The following MALRD1 variants were observed in gnomAD, a reference collection of about 807,000 sequenced individuals.
MALRD1 encodes the protein MAM and LDL-receptor class A domain-containing protein 1.
MALRD1 carries 247 observed loss-of-function variants against 242.1 expected under a neutral mutation model. That is an observed-to-expected ratio of 1.02 (90% CI 0.92 to 1.13). The LOEUF is 1.13. Among genes scored for constraint, MALRD1 ranks in the 50% most tolerant of loss-of-function variants. MALRD1 has a pLI of 0.00. For missense variants in MALRD1, 2,989 were observed against 2,533.1 expected, an observed-to-expected ratio of 1.18 and a Z score of -3.86; for synonymous variants, 995 against 866.6, an observed-to-expected ratio of 1.15 and a Z score of -2.60.
At chr10:19,131,489 A>G (rs150271536) in intron 8 of MALRD1, among the ~76,000 whole-genome samples, 69 of 152,302 alleles carry the variant, frequency 4.5e-4, no homozygotes, top group African/African-American at 1.6e-3. Context: ...TCTATAAAAT[A>G]ATACTCATAG....
At chr10:19,222,860 A>G (rs1326257256) in intron 18 of MALRD1, among the ~76,000 whole-genome samples, 1 of 152,230 alleles carries the variant, frequency 6.6e-6, no homozygotes, top group Non-Finnish European at 1.5e-5. Flanking sequence ...AATGTGTCAC[A>G]TGGCGTTCAC....
Position 19,136,712 on chromosome 10 carries a change from G to T in MALRD1, c.1342G>T (p.Ala448Ser), listed in dbSNP as rs1282298965. Reference protein sequence around the residue: ...EFPCTSGQCIAKESVCDSRQD... With the variant: ...EFPCTSGQCISKESVCDSRQD... ...CCCTTGCACTAGTGGCCAGTGCATC[G>T]CCAAAGAATCTGTCTGTGACTCTCG... Residue 448 changes from alanine to serine, a missense_variant, in exon 10 of 40, where the codon GCC becomes TCC. Physicochemically the swap from Ala to Ser is moderately conservative, Grantham distance 99 (BLOSUM62 1). Transcript: ENST00000454679. 2.4e-6 allele frequency: 3 copies of T among 1,231,630 alleles called. No individual in the cohort carries two copies. Among genetic ancestry groups the T allele is most frequent in the East Asian group, 3.2e-5 (1 of 31,666 alleles). 76.3% of individuals were successfully genotyped at this position (1,231,630 alleles called of 1,614,324 possible).
chr10:19,376,477 T>A (rs1211625721), intron 26 of MALRD1, among the ~76,000 whole-genome samples: 1 of 151,660 alleles, frequency 6.6e-6, no homozygotes, highest in African/African-American at 2.4e-5. Flanking sequence ...TGTATTTTGA[T>A]ACTGTGTACC....
At chr10:19,145,500 T>A (rs1833697697) in intron 10 of MALRD1, among the ~76,000 whole-genome samples, 1 of 151,674 alleles carries the variant, frequency 6.6e-6, no homozygotes, top group African/African-American at 2.4e-5. Context: ...AAAAAAAATA[T>A]CCGAGCATCG....
chr10:19,195,759 CAAACAAACAAGCAA>C (rs1293145973), intron 14 of MALRD1, among the ~76,000 whole-genome samples: 2 of 151,988 alleles, frequency 1.3e-5, no homozygotes, highest in African/African-American at 4.8e-5. Flanking sequence ...AAAACAAAAA[CAAACAAACAAGCAA>C]AAACCCAGTG....
Position 19,065,012 on chromosome 10 carries a change from G to A in MALRD1, c.200-1707G>A, listed in dbSNP as rs376767969. 1.8e-4 allele frequency among the ~76,000 whole-genome samples: 27 copies of A among 152,084 alleles called. No homozygotes were observed. In the South Asian group the frequency reaches 2.7e-3, roughly 15 times the overall value. Reference sequence around the variant, plus strand: ...TTAGAAATCCCTAGAAAAGGGCCGGGTGCGGTTGCTCATGCCTGTAATCCC... The same window carrying A: ...TTAGAAATCCCTAGAAAAGGGCCGGATGCGGTTGCTCATGCCTGTAATCCC... On this transcript the variant is annotated intron_variant, in intron 1 of 39. Coordinates refer to ENST00000454679, the MANE Select transcript of MALRD1 (RefSeq NM_001142308.3).
At chr10:19,047,214 C>A (rs1452535103), upstream of MALRD1, among the ~76,000 whole-genome samples, 1 of 152,254 alleles carries the variant, frequency 6.6e-6, no homozygotes, top group Non-Finnish European at 1.5e-5. Flanking sequence ...AGTCCAGGAA[C>A]AATCTACAGG....
At chr10:19,587,023 GA>G (rs1837457329) in intron 33 of MALRD1, among the ~76,000 whole-genome samples, 1 of 152,210 alleles carries the variant, frequency 6.6e-6, no homozygotes, top group African/African-American at 2.4e-5. Context: ...CTTTGACTAG[GA>G]AAGGGAACTC....
chr10:19,213,732 A>G (rs771550145), intron 18 of MALRD1, among the ~76,000 whole-genome samples: 1 of 152,116 alleles, frequency 6.6e-6, no homozygotes, highest in Non-Finnish European at 1.5e-5. Context: ...TTGTGTCTGG[A>G]TGTCAGATAT....
intron 32 of MALRD1, among the ~76,000 whole-genome samples, chr10:19,532,915 T>C (rs777871302): frequency 6.6e-6 from 1 of 152,246 alleles, no homozygotes; most frequent in Non-Finnish European, 1.5e-5. Flanking sequence ...TTGCTTATGC[T>C]AAATTTTATC....
At chr10:19,065,287 CAA>C (rs1197670439) in intron 1 of MALRD1, among the ~76,000 whole-genome samples, 801 of 50,570 alleles carry the variant, frequency 0.016, 6 homozygotes, top group African/African-American at 0.066. Flanking sequence ...AACGCTGTCT[CAA>C]AAAAAAAAAA....
At chr10:19,518,748 C>T (rs1237598520) in intron 31 of MALRD1, among the ~76,000 whole-genome samples, 1 of 151,966 alleles carries the variant, frequency 6.6e-6, no homozygotes, top group Non-Finnish European at 1.5e-5. Context: ...AGTTGTTTCA[C>T]TAACAGTCAT....
intron 28 of MALRD1, among the ~76,000 whole-genome samples, chr10:19,431,137 T>A (rs1834112689): frequency 6.6e-6 from 1 of 152,106 alleles, no homozygotes; most frequent in Admixed American, 6.6e-5. Context: ...ATATTAGCTA[T>A]TTTTCCTAAC....
chr10:19,369,597 A>G (rs115792424), intron 26 of MALRD1, among the ~76,000 whole-genome samples: 7,851 of 148,018 alleles, frequency 0.053, 409 homozygotes, highest in African/African-American at 0.13. Context: ...ATATAAATAT[A>G]GCCGCATAAA....
intron 19 of MALRD1, among the ~76,000 whole-genome samples, chr10:19,272,269 A>T (rs1007022833): frequency 3.3e-5 from 5 of 151,716 alleles, no homozygotes; most frequent in South Asian, 2.1e-4. Context: ...AGGTCATTAA[A>T]TTTTTTTTTA....
intron 22 of MALRD1, among the ~76,000 whole-genome samples, chr10:19,325,047 G>T (rs1588911907): frequency 9.6e-6 from 1 of 104,132 alleles, no homozygotes; most frequent in Non-Finnish European, 1.8e-5. Flanking sequence ...ATTTTACAAT[G>T]CTGATTGCCT....
chr10:19,340,346 CT>C (rs35265559), intron 24 of MALRD1, among the ~76,000 whole-genome samples: 35 of 148,074 alleles, frequency 2.4e-4, no homozygotes, highest in Admixed American at 3.4e-4. Context: ...GATGTGCTAA[CT>C]TTTTTTTTTT....
intron 26 of MALRD1, among the ~76,000 whole-genome samples, chr10:19,355,791 G>C (rs1007552353): frequency 6.2e-5 from 9 of 145,600 alleles, no homozygotes; most frequent in Non-Finnish European, 1.2e-4. Flanking sequence ...TAACTTCACT[G>C]TGAGTTTAGA....
chr10:19,327,603 C>T lies in MALRD1; in HGVS notation c.3617C>T (p.Ala1206Val), dbSNP rs767126060. The change falls in exon 23 of 40, where the codon GCT (alanine) becomes GTT (valine). Residue 1206 changes from alanine to valine, a missense_variant. By Grantham distance (64) the Ala-to-Val change is moderately conservative (BLOSUM62 0). Coordinates refer to ENST00000454679, the MANE Select transcript of MALRD1 (RefSeq NM_001142308.3). ...KKDNVTSKLW[A>V]QTGQQGAQWK... The stretch of plus-strand genomic sequence containing the variant: ...GATAACGTTACTTCTAAATTGTGGG[C>T]TCAAACTGGACAGCAAGGTGCACAG... 1.9e-6 allele frequency: 3 copies of T among 1,549,768 alleles called. No individual in the cohort carries two copies. The highest frequency in any genetic ancestry group is 2.4e-5 in the East Asian group (1 of 40,924).
Sources: gnomAD v4.1 joint callset for allele counts (sites outside exome capture counted in the v4.1 genomes callset) on GRCh38, gnomAD v4.1.1 for gene constraint, MANE v1.5 for transcripts, NCBI Gene and HGNC (gene_info 2026-07-23, HGNC 2026-07-21) for gene names.